AFAP1: variants seen among roughly 807,000 people sequenced by gnomAD.
AFAP1 encodes the protein actin filament-associated protein 1.
AFAP1 carries 75 observed loss-of-function variants against 93.9 expected under a neutral mutation model. The ratio of observed to expected loss-of-function variants is 0.80; its 90% CI spans 0.66 to 0.97. AFAP1 has a LOEUF of 0.97. Among genes scored for constraint, AFAP1 ranks in the 50% least tolerant of loss-of-function variants. The pLI is 0.00. For missense variants in AFAP1, 1,201 were observed against 1,050.8 expected (o/e 1.14, Z -1.98); for synonymous variants, 517 against 430.7 (o/e 1.20, Z -2.48).
intron 17 of AFAP1, among the ~76,000 whole-genome samples, chr4:7,767,582 C>T (rs1394334195): frequency 6.6e-6 from 1 of 152,160 alleles, no homozygotes; most frequent in East Asian, 1.9e-4. Flanking sequence ...AGCCATTCCT[C>T]CCTTCCCCAG....
At chr4:7,820,301 G>T (rs940323951) in intron 6 of AFAP1, among the ~76,000 whole-genome samples, 1 of 152,182 alleles carries the variant, frequency 6.6e-6, no homozygotes, top group African/African-American at 2.4e-5. Flanking sequence ...TGGGCTGGGT[G>T]GAGAGAAGCC....
intron 3 of AFAP1, among the ~76,000 whole-genome samples, chr4:7,863,101 C>A (rs555357160): frequency 3.3e-5 from 5 of 152,146 alleles, no homozygotes; most frequent in Admixed American, 6.5e-5. Context: ...CTGCACAGGT[C>A]GCCCTTGAAA....
intron 11 of AFAP1, among the ~76,000 whole-genome samples, chr4:7,792,255 C>A (rs1042081619): frequency 1.3e-5 from 2 of 152,170 alleles, no homozygotes; most frequent in Admixed American, 1.3e-4. Context: ...ACATTAAAAT[C>A]CAGTCGTTTA....
At chr4:7,867,841 A>C (rs1247701246) in intron 3 of AFAP1, among the ~76,000 whole-genome samples, 1 of 152,144 alleles carries the variant, frequency 6.6e-6, no homozygotes, top group Non-Finnish European at 1.5e-5. Flanking sequence ...ACTCTTGAGC[A>C]CTGTGGCAGG....
chr4:7,908,018 C>A (rs897853889), intron 1 of AFAP1, among the ~76,000 whole-genome samples: 53 of 152,260 alleles, frequency 3.5e-4, no homozygotes, highest in African/African-American at 1.2e-3. Context: ...TCAAGACCAG[C>A]CCGGCCAATG....
At chr4:7,818,749 C>T (rs143238243) in intron 7 of AFAP1, among the ~76,000 whole-genome samples, 36 of 152,316 alleles carry the variant, frequency 2.4e-4, no homozygotes, top group South Asian at 8.3e-4. Context: ...ATTTATGAAA[C>T]GCCTGCTGTA....
At chr4:7,765,551 C>T (rs990635627) in intron 17 of AFAP1, among the ~76,000 whole-genome samples, 1 of 152,234 alleles carries the variant, frequency 6.6e-6, no homozygotes. Context: ...TGCAGCTGCA[C>T]AGAGGCAGAA....
At chr4:7,888,592 A>G (rs558830349) in intron 1 of AFAP1, among the ~76,000 whole-genome samples, 2 of 152,372 alleles carry the variant, frequency 1.3e-5, no homozygotes, top group South Asian at 4.1e-4. Context: ...TCTATATTAA[A>G]GAAAACTCCA....
chr4:7,773,109 C>G (rs1193503357), intron 15 of AFAP1, 99 bp from the exon 16 acceptor site: 2 of 1,472,464 alleles, frequency 1.4e-6, no homozygotes, highest in Non-Finnish European at 1.8e-6. Context: ...CACAAAACGT[C>G]TGAGGTCGAG....
chr4:7,795,616 G>C (rs971780210), intron 10 of AFAP1, among the ~76,000 whole-genome samples: 3 of 151,448 alleles, frequency 2.0e-5, no homozygotes, highest in Admixed American at 6.6e-5. Context: ...AGTAGAGATG[G>C]GGTTTTCACT....
intron 4 of AFAP1, chr4:7,843,780 C>T (rs1713354073): frequency 5.9e-6 from 1 of 170,554 alleles, no homozygotes; most frequent in Non-Finnish European, 1.3e-5. Flanking sequence ...CAATCTGCTT[C>T]TCCCTGCTGG....
chr4:7,892,119 G>A (rs1030919428), intron 1 of AFAP1, among the ~76,000 whole-genome samples: 2 of 152,210 alleles, frequency 1.3e-5, no homozygotes, highest in African/African-American at 2.4e-5. Flanking sequence ...ATGAAGTTTA[G>A]AGAGGTGAAG....
At chr4:7,847,795 G>GGGGA (rs1553845908) in intron 4 of AFAP1, among the ~76,000 whole-genome samples, 1 of 80,374 alleles carries the variant, frequency 1.2e-5, no homozygotes, top group Non-Finnish European at 3.9e-5. Flanking sequence ...GGGGTACTCG[G>GGGGA]GGTGGGGCAT....
intron 9 of AFAP1, among the ~76,000 whole-genome samples, chr4:7,801,931 A>AAAAAC (rs1719077396): frequency 2.0e-5 from 3 of 150,974 alleles, no homozygotes; most frequent in African/African-American, 7.3e-5. Context: ...AAAAAAAAAA[A>AAAAAC]AAAAAAAAAA....
chr4:7,778,327 T>C, intron 14 of AFAP1: 2 of 255,944 alleles, frequency 7.8e-6, no homozygotes, highest in South Asian at 8.9e-5. Context: ...GGTCCGTGTA[T>C]TACCTCAGCT....
At chr4:7,871,210 G>T (rs1717006663) in intron 2 of AFAP1, among the ~76,000 whole-genome samples, 1 of 152,186 alleles carries the variant, frequency 6.6e-6, no homozygotes, top group Admixed American at 6.5e-5. Context: ...CAGGCCCAAA[G>T]CTGCTCTCTC....
intron 7 of AFAP1, among the ~76,000 whole-genome samples, chr4:7,817,031 T>C (rs1456271617): frequency 6.6e-6 from 1 of 152,224 alleles, no homozygotes; most frequent in Non-Finnish European, 1.5e-5. Flanking sequence ...CTCACGGTAC[T>C]GCCTTAGAAA....
chr4:7,891,743 T>TAAAAAAA (rs778916445), intron 1 of AFAP1, among the ~76,000 whole-genome samples: 2 of 62,802 alleles, frequency 3.2e-5, no homozygotes, highest in Non-Finnish European at 6.0e-5. Context: ...ATGGTCTCAT[T>TAAAAAAA]AAAAAAAAAA....
At chr4:7,802,390 G>A (rs1294379170) in intron 9 of AFAP1, among the ~76,000 whole-genome samples, 1 of 152,182 alleles carries the variant, frequency 6.6e-6, no homozygotes, top group Non-Finnish European at 1.5e-5. Context: ...GCTGCAGGGA[G>A]GTGAAGAGGC....
Sources: gnomAD v4.1 joint callset for allele counts (sites outside exome capture counted in the v4.1 genomes callset) on GRCh38, gnomAD v4.1.1 for gene constraint, MANE v1.5 for transcripts, NCBI Gene and HGNC (gene_info 2026-07-23, HGNC 2026-07-21) for gene names.